The following DGKI variants were observed in gnomAD, a reference collection of about 807,000 sequenced individuals.
DGKI encodes diacylglycerol kinase iota.
Under a neutral mutation model 147.5 loss-of-function variants are expected in DGKI, and 55 were observed. That is an observed-to-expected ratio of 0.37 (90% CI 0.30 to 0.47). DGKI has a LOEUF of 0.47. DGKI is among the 20% of genes least tolerant of loss of function. The pLI is 1.00. For synonymous variants in DGKI, 469 were observed against 477.1 expected (o/e 0.98, Z 0.22); for missense variants, 1,007 against 1,323.8 (o/e 0.76, Z 3.71).
chr7:137,594,322 T>A (rs998403597), intron 12 of DGKI, among the ~76,000 whole-genome samples: 1 of 152,184 alleles, frequency 6.6e-6, no homozygotes, highest in Non-Finnish European at 1.5e-5. Flanking sequence ...GCTGGGATTA[T>A]AGGCGTGAGC....
chr7:137,572,805 C>T lies in DGKI; in HGVS notation c.1795G>A (p.Glu599Lys), dbSNP rs1032632029. ...AATACTATACACTGGAACTTCAGTT[C>T]CTGAATCTTTGGGGTGAGATCTGTT... ...DGTDLTPKIQ[E>K]LKFQCIVFLN... The change falls in exon 18 of 33, where the codon GAA (glutamate) becomes AAA (lysine). Residue 599 changes from glutamate to lysine, a missense_variant. Physicochemically the swap from Glu to Lys is moderately conservative, Grantham distance 56 (BLOSUM62 1). Transcript: ENST00000614521. 6.2e-7 allele frequency: 1 copy of T among 1,612,364 alleles called. No homozygotes were observed. Among genetic ancestry groups the T allele is most frequent in the Non-Finnish European group, 8.5e-7 (1 of 1,179,396 alleles).
chr7:137,487,924 C>T (rs1459133289), intron 21 of DGKI, among the ~76,000 whole-genome samples: 1 of 152,110 alleles, frequency 6.6e-6, no homozygotes, highest in Non-Finnish European at 1.5e-5. Flanking sequence ...TTGCCACCTG[C>T]CCCTCATCTC....
intron 27 of DGKI, among the ~76,000 whole-genome samples, chr7:137,449,247 G>A (rs1028672169): frequency 1.1e-4 from 16 of 152,104 alleles, no homozygotes; most frequent in Non-Finnish European, 2.4e-4. Context: ...ATTTGACAAA[G>A]CTACAGTAAC....
At chr7:137,454,448 A>C (rs577529059) in intron 27 of DGKI, among the ~76,000 whole-genome samples, 1 of 152,260 alleles carries the variant, frequency 6.6e-6, no homozygotes, top group South Asian at 2.1e-4. Context: ...GAAATGTGAG[A>C]GATTGAGGAA....
intron 6 of DGKI, among the ~76,000 whole-genome samples, chr7:137,627,228 C>A (rs1255323790): frequency 6.6e-6 from 1 of 152,186 alleles, no homozygotes; most frequent in East Asian, 1.9e-4. Context: ...CTCACTGTGA[C>A]CTCTCCTTGT....
chr7:137,822,178 G>A (rs926174771), intron 1 of DGKI, among the ~76,000 whole-genome samples: 1 of 152,202 alleles, frequency 6.6e-6, no homozygotes, highest in Non-Finnish European at 1.5e-5. Context: ...AGGCTGAGGC[G>A]GTTGGATCAC....
intron 30 of DGKI, among the ~76,000 whole-genome samples, chr7:137,405,590 C>T (rs1001745252): frequency 1.1e-4 from 16 of 152,260 alleles, no homozygotes; most frequent in Admixed American, 7.2e-4. Flanking sequence ...ACAGCTCATG[C>T]CATCAAACAG....
In DGKI at chr7:137,562,534, T is replaced by C. The variant is rs1450642144; in HGVS notation, c.1947+8641A>G. Among the ~76,000 whole-genome samples, 8 of 151,308 alleles carry C rather than the reference T, an allele frequency of 5.3e-5. No individual in the cohort carries two copies. The East Asian group carries it at 1.6e-3, about 29-fold the overall frequency. On this transcript the variant is annotated intron_variant, in intron 19 of 32. Coordinates refer to ENST00000614521, the MANE Select transcript of DGKI (RefSeq NM_001321708.2). ...TGGGCAACAAGAGCAAAACTCCATA[T>C]CAAAAAATAAAAAAGAGCATAAGGT...
intron 18 of DGKI, among the ~76,000 whole-genome samples, chr7:137,571,901 G>A (rs978427337): frequency 4.6e-5 from 7 of 152,078 alleles, no homozygotes; most frequent in Non-Finnish European, 8.8e-5. Context: ...GGAAGGACAA[G>A]AGAAAGAATA....
chr7:137,610,419 C>T (rs573098718), intron 8 of DGKI, among the ~76,000 whole-genome samples: 2 of 152,268 alleles, frequency 1.3e-5, no homozygotes, highest in South Asian at 4.1e-4. Flanking sequence ...TTCAACTAAC[C>T]ATTTTCTCTT....
At chr7:137,400,996 A>T (rs954134350) in intron 30 of DGKI, among the ~76,000 whole-genome samples, 3 of 152,166 alleles carry the variant, frequency 2.0e-5, no homozygotes, top group African/African-American at 4.8e-5. Flanking sequence ...CTGTTTGCAT[A>T]ATGCTAGCAA....
At chr7:137,504,127 G>A (rs1816284131) in intron 21 of DGKI, among the ~76,000 whole-genome samples, 1 of 152,178 alleles carries the variant, frequency 6.6e-6, no homozygotes, top group African/African-American at 2.4e-5. Context: ...CCATGTGAAA[G>A]TGATAATGGG....
intron 3 of DGKI, among the ~76,000 whole-genome samples, chr7:137,657,071 G>A (rs1256849824): frequency 1.3e-5 from 2 of 152,084 alleles, no homozygotes; most frequent in African/African-American, 2.4e-5. Flanking sequence ...AAGTTACTTC[G>A]GTTTCTGCCC....
intron 1 of DGKI, among the ~76,000 whole-genome samples, chr7:137,775,796 C>G (rs1253410372): frequency 1.3e-5 from 2 of 152,094 alleles, no homozygotes; most frequent in Admixed American, 6.5e-5. Flanking sequence ...ACTATCCTAT[C>G]ATTAGATACA....
intron 8 of DGKI, among the ~76,000 whole-genome samples, chr7:137,616,680 G>A (rs1820541676): frequency 1.3e-5 from 2 of 152,044 alleles, no homozygotes; most frequent in South Asian, 4.1e-4. Flanking sequence ...GAAGAATGAT[G>A]ACAACGTATT....
intron 1 of DGKI, among the ~76,000 whole-genome samples, chr7:137,771,141 A>G (rs1195045016): frequency 6.6e-6 from 1 of 152,048 alleles, no homozygotes; most frequent in Non-Finnish European, 1.5e-5. Flanking sequence ...CTTAAGCTGG[A>G]GTGCAGTGGT....
intron 27 of DGKI, among the ~76,000 whole-genome samples, chr7:137,450,454 C>T (rs752261997): frequency 6.6e-6 from 1 of 152,138 alleles, no homozygotes; most frequent in Non-Finnish European, 1.5e-5. Flanking sequence ...CATGGTGGCT[C>T]ACCCCTGTAA....
chr7:137,802,016 G>A (rs1019231389), intron 1 of DGKI, among the ~76,000 whole-genome samples: 1 of 152,098 alleles, frequency 6.6e-6, no homozygotes, highest in Non-Finnish European at 1.5e-5. Context: ...CCAATGAGTG[G>A]ATAAAGAAAA....
chr7:137,463,340 C>T, intron 27 of DGKI, 149 bp downstream of exon 27: 1 of 1,136,352 alleles, frequency 8.8e-7, no homozygotes, highest in African/African-American at 1.5e-5. Context: ...GAGCAAGGTG[C>T]ATGGAATGAA....
Sources: gnomAD v4.1 joint callset for allele counts (sites outside exome capture counted in the v4.1 genomes callset) on GRCh38, gnomAD v4.1.1 for gene constraint, MANE v1.5 for transcripts, NCBI Gene and HGNC (gene_info 2026-07-23, HGNC 2026-07-21) for gene names.